IQANK1: variants seen among roughly 807,000 people sequenced by gnomAD.
The protein encoded by IQANK1 is IQ motif and ankyrin repeat domain-containing protein 1.
Under a neutral mutation model 22.6 loss-of-function variants are expected in IQANK1, and 30 were observed. The observed-to-expected ratio is 1.33, with a 90% CI of 0.99 to 1.80. The LOEUF (loss-of-function observed/expected upper bound fraction) is 1.80. IQANK1 is among the 40% of genes most tolerant of loss of function. IQANK1 has a pLI of 0.00. For missense variants in IQANK1, 275 were observed against 235.2 expected, an observed-to-expected ratio of 1.17 and a Z score of -1.11; for synonymous variants, 122 against 99.6, an observed-to-expected ratio of 1.23 and a Z score of -1.34.
At chr8:143,754,327 T>C (rs781912055) in intron 3 of IQANK1, among the ~76,000 whole-genome samples, 39 of 151,996 alleles carry the variant, frequency 2.6e-4, no homozygotes, top group Non-Finnish European at 3.4e-4. Flanking sequence ...GGGTCAGGAG[T>C]CCGGGCACAG....
chr8:143,775,807 C>CACACACACACACAG (rs1195154659), intron 7 of IQANK1, among the ~76,000 whole-genome samples: 2 of 150,394 alleles, frequency 1.3e-5, no homozygotes, highest in Middle Eastern at 3.4e-3. Context: ...CACACACACA[C>CACACACACACACAG]ACACACACAC....
chr8:143,767,731 A>G (rs951341891), intron 3 of IQANK1, among the ~76,000 whole-genome samples: 1 of 151,784 alleles, frequency 6.6e-6, no homozygotes, highest in Non-Finnish European at 1.5e-5. Flanking sequence ...ACACTTTTGA[A>G]GAATGAATCT....
At chr8:143,790,311 C>T in intron 13 of IQANK1, 39 bp from the exon 14 acceptor site, 1 of 1,230,982 alleles carries the variant, frequency 8.1e-7, no homozygotes, top group Non-Finnish European at 1.0e-6. Flanking sequence ...CACCCCACCT[C>T]CCTAGCCCCA....
chr8:143,737,031 A>G (rs1411158690), intron 2 of IQANK1, among the ~76,000 whole-genome samples: 3 of 152,172 alleles, frequency 2.0e-5, no homozygotes, highest in Admixed American at 6.5e-5. Flanking sequence ...TCACAGGAGC[A>G]GGTGGGATGA....
At chr8:143,757,838 A>G (rs1043824403) in intron 3 of IQANK1, among the ~76,000 whole-genome samples, 1 of 152,184 alleles carries the variant, frequency 6.6e-6, no homozygotes, top group Admixed American at 6.5e-5. Flanking sequence ...ATATTCTAAC[A>G]TGCCCCAGGC....
At chr8:143,789,575 C>A in intron 10 of IQANK1, 47 bp downstream of exon 10, 1 of 1,231,792 alleles carries the variant, frequency 8.1e-7, no homozygotes, top group East Asian at 3.2e-5. Flanking sequence ...CCTCAACACC[C>A]CTCCTTGTTC....
Position 143,771,662 on chromosome 8 carries a change from A to AG in IQANK1, c.306+49dup. 1 of 399,000 alleles carries AG rather than the reference A, an allele frequency of 2.5e-6. No individual in the cohort carries two copies. Among genetic ancestry groups the AG allele is most frequent in the Non-Finnish European group, 4.4e-6 (1 of 226,710 alleles). 24.7% of individuals were successfully genotyped at this position (399,000 alleles called of 1,614,324 possible). On this transcript the variant is annotated intron_variant, in intron 4 of 13. Coordinates refer to ENST00000527139, the MANE Select transcript of IQANK1 (RefSeq NM_001381874.1). The surrounding 1 kb of genome is among the most constrained non-coding windows in gnomAD (Gnocchi z 6.0). ...AACAGCCGGGGGCCAGGCAGGAGGC[A>AG]GGGGGAGGAAATGGCGAAGCAGGGT...
intron 3 of IQANK1, chr8:143,742,711 C>T (rs1197241174): frequency 2.2e-5 from 10 of 455,902 alleles, no homozygotes; most frequent in Middle Eastern, 3.2e-4. Context: ...AAAGGGGGGC[C>T]TGCCAGAGGA....
chr8:143,734,605 A>G (rs1818672509), intron 1 of IQANK1, among the ~76,000 whole-genome samples: 1 of 151,516 alleles, frequency 6.6e-6, no homozygotes, highest in Admixed American at 6.6e-5. Context: ...CCAGTCACCC[A>G]CGAACACGCT....
At chr8:143,788,723 T>TGGCCTGGGC in intron 7 of IQANK1, among the ~76,000 whole-genome samples, 192 bp from the exon 8 acceptor site, 1 of 152,128 alleles carries the variant, frequency 6.6e-6, no homozygotes, top group South Asian at 2.1e-4. Context: ...GCGGCCTGGG[T>TGGCCTGGGC]GGCCTGGGCT....
At position 143,772,465 on chromosome 8, in the gene IQANK1, G is replaced by A. The variant is rs551579925; in HGVS notation, c.772G>A (p.Gly258Arg). 44 of 399,344 alleles carry A rather than the reference G, an allele frequency of 1.1e-4. No individual in the cohort carries two copies. Among genetic ancestry groups the A allele is most frequent in the African/African-American group, 7.2e-4 (35 of 48,754 alleles). 24.7% of individuals were successfully genotyped at this position (399,344 alleles called of 1,614,324 possible). A position where few individuals can be genotyped will look rare whatever the true frequency, so the allele number is the denominator to read the frequency against. The change falls in exon 7 of 14, where the codon GGG becomes AGG. Residue 258 changes from glycine (G) to arginine (R), a missense_variant. Transcript: ENST00000527139. The stretch of plus-strand genomic sequence containing the variant: ...AGACCCCCGGGTGTACGCAGAGGAC[G>A]GGAGCACCCCTGAGCGGGTGTGGAC... The part of the protein sequence containing the change: ...GADPRVYAED[G>R]STPERVASLD...
intron 3 of IQANK1, 71 bp downstream of exon 3, chr8:143,740,019 G>A (rs1818860387): frequency 1.6e-6 from 1 of 638,068 alleles, no homozygotes; most frequent in South Asian, 1.7e-5. Context: ...GCCCTGGCCC[G>A]GGACACGCTC....
intron 3 of IQANK1, among the ~76,000 whole-genome samples, chr8:143,751,664 G>GTGTATATATATATATATATATATATATA (rs370428606): frequency 9.6e-4 from 59 of 61,488 alleles, no homozygotes; most frequent in African/African-American, 1.8e-3. Flanking sequence ...GTGTGTGTGT[G>GTGTATATATATATATATATATATATATA]TATATATATA....
At chr8:143,765,389 A>G (rs577552316) in intron 3 of IQANK1, among the ~76,000 whole-genome samples, 115 of 152,220 alleles carry the variant, frequency 7.6e-4, no homozygotes, top group African/African-American at 2.7e-3. Context: ...ATGATTATAT[A>G]TAATCCTCTC....
chr8:143,748,896 TA>T (rs1819110070), intron 3 of IQANK1, among the ~76,000 whole-genome samples: 1 of 103,748 alleles, frequency 9.6e-6, no homozygotes, highest in South Asian at 2.8e-4. Flanking sequence ...CATAAATACT[TA>T]AAAATATACA....
intron 1 of IQANK1, among the ~76,000 whole-genome samples, chr8:143,734,850 C>G (rs1818685838): frequency 6.6e-6 from 1 of 151,570 alleles, no homozygotes; most frequent in African/African-American, 2.4e-5. Flanking sequence ...ACAGCAACCC[C>G]CACACACCAC....
At chr8:143,766,800 A>T (rs1460868433) in intron 3 of IQANK1, among the ~76,000 whole-genome samples, 1 of 152,234 alleles carries the variant, frequency 6.6e-6, no homozygotes, top group African/African-American at 2.4e-5. Flanking sequence ...GTGATCTTCA[A>T]CGAGCTTTAT....
chr8:143,782,389 GTTTTCAA>G (rs1454613559), intron 7 of IQANK1, among the ~76,000 whole-genome samples: 1 of 152,190 alleles, frequency 6.6e-6, no homozygotes, highest in Non-Finnish European at 1.5e-5. Flanking sequence ...TCTTGTGCCA[GTTTTCAA>G]GGGGAATGCT....
intron 7 of IQANK1, among the ~76,000 whole-genome samples, chr8:143,776,693 A>G (rs1013684190): frequency 1.3e-5 from 2 of 152,074 alleles, no homozygotes; most frequent in African/African-American, 4.8e-5. Context: ...GAAAGAAAGA[A>G]CCCTAGAGAC....
Sources: gnomAD v4.1 joint callset for allele counts (sites outside exome capture counted in the v4.1 genomes callset) on GRCh38, gnomAD v4.1.1 for gene constraint, Gnocchi (gnomAD v3.1) non-coding constraint, MANE v1.5 for transcripts, NCBI Gene and HGNC (gene_info 2026-07-23, HGNC 2026-07-21) for gene names.